The following MMP26 variants were observed in gnomAD, a reference collection of about 807,000 sequenced individuals.
MMP26 encodes the protein matrix metalloproteinase-26.
A neutral mutation model predicts 31.0 loss-of-function variants in MMP26; 33 were observed. The ratio of observed to expected loss-of-function variants is 1.06; its 90% CI spans 0.81 to 1.42. MMP26 has a LOEUF of 1.42. MMP26 is among the 40% of genes most tolerant of loss of function. MMP26 has a pLI of 0.00. For synonymous variants in MMP26, 122 were observed against 114.9 expected (o/e 1.06, Z -0.40); for missense variants, 347 against 316.1 (o/e 1.10, Z -0.74).
At chr11:4,973,363 G>A (rs1007195186) in intron 2 of MMP26, 1 of 152,630 alleles carries the variant, frequency 6.6e-6, no homozygotes, top group African/African-American at 2.4e-5. Context: ...GGGACAGGAG[G>A]TTCTTCTTAC....
chr11:4,753,302 CTG>C (rs1255036210), intron 1 of MMP26, among the ~76,000 whole-genome samples: 1 of 152,044 alleles, frequency 6.6e-6, no homozygotes, highest in Non-Finnish European at 1.5e-5. Context: ...GTATTATATA[CTG>C]TTTGTGTTTA....
At chr11:4,764,956 T>A (rs1415904902) in intron 1 of MMP26, among the ~76,000 whole-genome samples, 1 of 152,150 alleles carries the variant, frequency 6.6e-6, no homozygotes, top group Non-Finnish European at 1.5e-5. Flanking sequence ...TCCTGAGTAT[T>A]TGAAACTTCA....
At chr11:4,933,756 A>C (rs962932971) in intron 2 of MMP26, among the ~76,000 whole-genome samples, 76 of 129,006 alleles carry the variant, frequency 5.9e-4, no homozygotes, top group African/African-American at 2.1e-3. Context: ...CCAGAGTGTG[A>C]TATTCCCCTT....
chr11:4,969,662 G>A (rs1846639518), intron 2 of MMP26, among the ~76,000 whole-genome samples: 1 of 151,954 alleles, frequency 6.6e-6, no homozygotes, highest in Admixed American at 6.6e-5. Flanking sequence ...AATTTTAACT[G>A]CATCTTTACT....
chr11:4,841,877 G>A (rs1019673755), intron 2 of MMP26, among the ~76,000 whole-genome samples: 4 of 152,200 alleles, frequency 2.6e-5, no homozygotes, highest in African/African-American at 9.7e-5. Flanking sequence ...AGGTTGTGGT[G>A]AGCCAAGATC....
chr11:4,882,981 T>C, intron 2 of MMP26: 1 of 886,890 alleles, frequency 1.1e-6, no homozygotes. Context: ...CAATTCCAAT[T>C]GAATTTTAGG....
intron 1 of MMP26, among the ~76,000 whole-genome samples, chr11:4,726,438 G>A (rs1458538125): frequency 6.6e-6 from 1 of 151,910 alleles, no homozygotes; most frequent in East Asian, 1.9e-4. Context: ...CTCCAGCCTG[G>A]GAGACAAGAG....
chr11:4,792,087 T>C (rs993920054), intron 2 of MMP26, among the ~76,000 whole-genome samples: 1 of 151,620 alleles, frequency 6.6e-6, no homozygotes, highest in African/African-American at 2.4e-5. Flanking sequence ...ATGGAGATAA[T>C]AGCAACAATA....
intron 2 of MMP26, among the ~76,000 whole-genome samples, chr11:4,774,398 T>C (rs1450243322): frequency 2.0e-5 from 3 of 152,204 alleles, no homozygotes; most frequent in Non-Finnish European, 4.4e-5. Flanking sequence ...CTGTTTTTCA[T>C]ATGTTTGTTG....
chr11:4,856,564 T>C (rs909208991), intron 2 of MMP26, among the ~76,000 whole-genome samples: 2 of 152,120 alleles, frequency 1.3e-5, no homozygotes, highest in African/African-American at 4.8e-5. Flanking sequence ...GCACCCAGAT[T>C]CATAAAGCAA....
At chr11:4,980,184 TTTCCTGAG>T (rs1846792865) in intron 2 of MMP26, among the ~76,000 whole-genome samples, 1 of 152,118 alleles carries the variant, frequency 6.6e-6, no homozygotes, top group Non-Finnish European at 1.5e-5. Flanking sequence ...AGTTTTTCTT[TTTCCTGAG>T]TATCAGGGTC....
intron 2 of MMP26, among the ~76,000 whole-genome samples, chr11:4,820,540 CCT>C (rs1316793055): frequency 6.6e-6 from 1 of 151,642 alleles, no homozygotes; most frequent in African/African-American, 2.4e-5. Flanking sequence ...CTCCCTTCTT[CCT>C]CTTATTCCTC....
At chr11:4,764,918 C>T (rs983953821) in intron 1 of MMP26, among the ~76,000 whole-genome samples, 2 of 149,914 alleles carry the variant, frequency 1.3e-5, no homozygotes, top group Non-Finnish European at 3.0e-5. Flanking sequence ...CTAACATTTT[C>T]ATATATCCTT....
At chr11:4,744,734 T>C (rs1375948536) in intron 1 of MMP26, among the ~76,000 whole-genome samples, 1 of 152,210 alleles carries the variant, frequency 6.6e-6, no homozygotes, top group Non-Finnish European at 1.5e-5. Flanking sequence ...TGTGGTTTCT[T>C]TTCTTCTTTA....
intron 2 of MMP26, among the ~76,000 whole-genome samples, chr11:4,929,038 T>G (rs1851310487): frequency 6.6e-6 from 1 of 152,156 alleles, no homozygotes; most frequent in Non-Finnish European, 1.5e-5. Context: ...ACACTTTGGT[T>G]ACTTCTGCCG....
chr11:4,741,076 C>T (rs375545262), intron 1 of MMP26, among the ~76,000 whole-genome samples: 17 of 152,016 alleles, frequency 1.1e-4, no homozygotes, highest in African/African-American at 3.6e-4. Context: ...TAATTCATCC[C>T]GAGTTAATTT....
At chr11:4,769,342 T>C (rs1848678143) in intron 2 of MMP26, 1 of 1,613,610 alleles carries the variant, frequency 6.2e-7, no homozygotes, top group Non-Finnish European at 8.5e-7. Context: ...CCCGAATGTC[T>C]GAACATGCTA....
intron 1 of MMP26, among the ~76,000 whole-genome samples, chr11:4,758,770 A>C (rs1026748661): frequency 3.9e-5 from 6 of 152,190 alleles, no homozygotes; most frequent in Non-Finnish European, 7.4e-5. Context: ...TTTGAAGCAT[A>C]TATAACATTC....
chr11:4,813,204 G>A (rs775815353), intron 2 of MMP26, among the ~76,000 whole-genome samples: 87 of 151,982 alleles, frequency 5.7e-4, no homozygotes, highest in Non-Finnish European at 1.1e-3. Flanking sequence ...ATAGTTATAC[G>A]TTGTATGCAC....
Sources: gnomAD v4.1 joint callset for allele counts (sites outside exome capture counted in the v4.1 genomes callset) on GRCh38, gnomAD v4.1.1 for gene constraint, MANE v1.5 for transcripts, NCBI Gene and HGNC (gene_info 2026-07-23, HGNC 2026-07-21) for gene names.